CARD14: variants seen among roughly 807,000 people sequenced by gnomAD.
CARD14 encodes caspase recruitment domain family member 14, also known as caspase recruitment domain-containing protein 14.
Under a neutral mutation model 111.5 loss-of-function variants are expected in CARD14, and 107 were observed. That is an observed-to-expected ratio of 0.96 (90% CI 0.82 to 1.13). The LOEUF (loss-of-function observed/expected upper bound fraction) is 1.13. Ranked by LOEUF, CARD14 falls within the 50% of genes most tolerant of loss-of-function variation. The pLI, the probability that CARD14 is intolerant of heterozygous loss-of-function variation, is 0.00. For synonymous variants in CARD14, 617 were observed against 579.6 expected (o/e 1.06, Z -0.93); for missense variants, 1,322 against 1,362.3 (o/e 0.97, Z 0.47).
intron 7 of CARD14, chr17:80,187,767 G>T (rs1027851131): frequency 1.0e-6 from 1 of 985,450 alleles, no homozygotes; most frequent in African/African-American, 1.7e-5. Flanking sequence ...GGGCGGGCCC[G>T]TGGCTCGAGC....
rs2040998917 is a variant in CARD14, at chr17:80,201,922, C to A, written c.1978+52C>A. 6.5e-7 allele frequency: 1 copy of A among 1,550,094 alleles called. No homozygotes were observed. Among genetic ancestry groups the A allele is most frequent in the Middle Eastern group, 2.0e-4 (1 of 5,120 alleles). On this transcript the variant is annotated intron_variant, in intron 17 of 23. Coordinates refer to ENST00000648509, the MANE Select transcript of CARD14 (RefSeq NM_001366385.1). The surrounding 1 kb of genome is among the most constrained non-coding windows in gnomAD (Gnocchi z 5.0). The stretch of plus-strand genomic sequence containing the variant: ...ACAGCTGCCTGGCCAGACTCCATGA[C>A]CCTTAAGTCCCTGGTGGTTCTTCTG...
intron 1 of CARD14, chr17:80,170,604 A>C (rs2039872751): frequency 6.6e-6 from 1 of 152,102 alleles, no homozygotes; most frequent in Non-Finnish European, 1.5e-5. Flanking sequence ...CTTCACTGGC[A>C]AGGGAAGAGA....
At chr17:80,204,492 C>T (rs957979466) in intron 20 of CARD14, 151 bp downstream of exon 20, 11 of 686,046 alleles carry the variant, frequency 1.6e-5, no homozygotes, top group East Asian at 8.8e-5. Context: ...GGTGTGGTGG[C>T]GCACACCTGT....
At position 80,198,398 on chromosome 17, in the gene CARD14, G is replaced by A. The variant is rs766603184; in HGVS notation, c.1659-1G>A. On this transcript the variant is annotated splice_acceptor_variant, in intron 15 of 23. Transcript: ENST00000648509. LOFTEE classifies it high-confidence loss of function. This position sits in a 1 kb window ranked among gnomAD's most constrained non-coding sequence, Gnocchi z 7.5. ...CAAGCCGGTCGTCTCCCGGCCTGCA[G>A]CGGCGTCCTCATGCGGCGGAGGCCA... 6.3e-7 allele frequency: 1 copy of A among 1,597,922 alleles called. No homozygotes were observed. The highest frequency in any genetic ancestry group is 8.5e-7 in the Non-Finnish European group (1 of 1,169,798).
rs552958343 is a variant in CARD14, at chr17:80,172,368, G to A, written c.-689-538G>A. Among the ~76,000 whole-genome samples the A allele has an allele frequency of 3.3e-5, 5 of 152,336 alleles. No individual in the cohort carries two copies. In the South Asian group the frequency reaches 1.0e-3, roughly 32 times the overall value. On this transcript the variant is annotated intron_variant, in intron 1 of 23. Coordinates refer to ENST00000648509, the MANE Select transcript of CARD14 (RefSeq NM_001366385.1). ...AAGATGCTGCACTCTCCTTCACTAA[G>A]TAGAAAGCTGAGAAATCCTGCCCTG...
Position 80,195,768 on chromosome 17 carries a change from A to C in CARD14, c.1594+116A>C. On this transcript the variant is annotated intron_variant, in intron 14 of 23. Transcript: ENST00000648509. The surrounding 1 kb of genome is among the most constrained non-coding windows in gnomAD (Gnocchi z 4.7). ...GAAAGGGCAGATAGAAGCAGAGCTC[A>C]ACTTCTGCCCTGGGCCTTGACCTTG... 62 of 856,172 alleles carry C rather than the reference A, an allele frequency of 7.2e-5. No homozygotes were observed. The highest frequency in any genetic ancestry group is 8.3e-5 in the Non-Finnish European group (46 of 553,212). 53.0% of individuals were successfully genotyped at this position (856,172 alleles called of 1,614,324 possible).
intron 9 of CARD14, among the ~76,000 whole-genome samples, chr17:80,190,225 A>T (rs1289574124): frequency 6.6e-6 from 1 of 152,170 alleles, no homozygotes; most frequent in Non-Finnish European, 1.5e-5. Flanking sequence ...TTAAAAACGC[A>T]AAACACAACT....
At position 80,181,403 on chromosome 17, in the gene CARD14, T is replaced by C. The variant is rs1353409277; in HGVS notation, c.-20-16T>C. ...TGCTTACCTGACAACTCCACCCCCA[T>C]GGCCACCCCTCCTAGGGTCCTCCCA... On this transcript the variant is annotated splice_polypyrimidine_tract_variant and intron_variant, in intron 4 of 23. Coordinates refer to ENST00000648509, the MANE Select transcript of CARD14 (RefSeq NM_001366385.1). 1 of 1,542,778 alleles carries C rather than the reference T, an allele frequency of 6.5e-7. No individual in the cohort carries two copies. The highest frequency in any genetic ancestry group is 8.8e-7 in the Non-Finnish European group (1 of 1,140,210).
chr17:80,175,979 T>G (rs1211516782), intron 2 of CARD14, among the ~76,000 whole-genome samples: 2 of 78,304 alleles, frequency 2.6e-5, no homozygotes, highest in Admixed American at 1.3e-4. Context: ...TTTTTTTTTT[T>G]TTTTTTTTTT....
intron 21 of CARD14, 121 bp from the exon 22 acceptor site, chr17:80,205,410 A>G (rs1345733823): frequency 1.5e-6 from 2 of 1,375,892 alleles, no homozygotes; most frequent in African/African-American, 1.4e-5. Flanking sequence ...TAAAGTGGAC[A>G]TCCTAAGAAG....
chr17:80,178,414 C>G (rs377294716), intron 2 of CARD14, 94 bp from the exon 3 acceptor site: 21 of 152,244 alleles, frequency 1.4e-4, no homozygotes, highest in African/African-American at 5.1e-4. Context: ...TTTTCCCCGC[C>G]GCTTGCGGTG....
chr17:80,202,692 G>A (rs185362091), intron 18 of CARD14: 6 of 1,142,486 alleles, frequency 5.3e-6, no homozygotes, highest in Non-Finnish European at 4.6e-6. Flanking sequence ...GGACGTTTGG[G>A]GCTGGATCCC....
In CARD14 at chr17:80,198,995, C is replaced by A; in HGVS notation, c.1851+404C>A. ...ACAGGGTCTCACTCTGTCACCCAGG[C>A]TAGAGTGCTGCGGTGCGATCACAGC... On this transcript the variant is annotated intron_variant, in intron 16 of 23. Coordinates refer to ENST00000648509, the MANE Select transcript of CARD14 (RefSeq NM_001366385.1). This position sits in a 1 kb window ranked among gnomAD's most constrained non-coding sequence, Gnocchi z 7.5. 1 of 913,058 alleles carries A rather than the reference C, an allele frequency of 1.1e-6. No individual in the cohort carries two copies. Among genetic ancestry groups the A allele is most frequent in the Non-Finnish European group, 1.3e-6 (1 of 745,454 alleles). 56.6% of individuals were successfully genotyped at this position (913,058 alleles called of 1,614,324 possible).
chr17:80,190,688 T>A, intron 9 of CARD14, 86 bp from the exon 10 acceptor site: 171 of 1,357,458 alleles, frequency 1.3e-4, no homozygotes, highest in Middle Eastern at 4.0e-4. Context: ...TCTCCCTCCC[T>A]CCACCCCTGG....
At position 80,190,822 on chromosome 17, in the gene CARD14, A is replaced by G. The variant is rs200132496; in HGVS notation, c.1012A>G (p.Met338Val). ...QTLLQFQKSK[M>V]ACQLYREKVN... The stretch of plus-strand genomic sequence containing the variant: ...CCTGCTGCAGTTCCAGAAGAGTAAG[A>G]TGGCCTGCCAACTCTACAGGGAGAA... Residue 338 changes from methionine (M) to valine (V), a missense_variant, in exon 10 of 24, where the codon ATG becomes GTG. Physicochemically the swap from Met to Val is conservative, Grantham distance 21. Transcript: ENST00000648509. The G allele has an allele frequency of 7.2e-5, 116 of 1,614,130 alleles. 1 individual carries two copies. In the South Asian group the frequency reaches 7.8e-4, roughly 11 times the overall value.
intron 9 of CARD14, among the ~76,000 whole-genome samples, chr17:80,190,480 G>A (rs948333448): frequency 1.3e-5 from 2 of 152,070 alleles, no homozygotes. Context: ...GGGCCTGGTG[G>A]TGTGTGCCTG....
Position 80,188,366 on chromosome 17 carries a change from C to A in CARD14, c.676-11C>A, listed in dbSNP as rs746067298. On this transcript the variant is annotated splice_polypyrimidine_tract_variant and intron_variant, in intron 7 of 23. Transcript: ENST00000648509. The surrounding 1 kb of genome is among the most constrained non-coding windows in gnomAD (Gnocchi z 4.5). Reference sequence around the variant, plus strand: ...TTCCATCGCCCTTCCTGTCGCCTCCCCACCGCACAGCTGTATCTACTGAAG... The same window carrying A: ...TTCCATCGCCCTTCCTGTCGCCTCCACACCGCACAGCTGTATCTACTGAAG... The A allele has an allele frequency of 2.5e-6, 4 of 1,605,646 alleles. No homozygotes were observed. The highest frequency in any genetic ancestry group is 3.4e-6 in the Non-Finnish European group (4 of 1,176,330).
Position 80,201,638 on chromosome 17 carries a change from G to C in CARD14, c.1852-106G>C. 8.3e-7 allele frequency: 1 copy of C among 1,208,182 alleles called. No homozygotes were observed. Among genetic ancestry groups the C allele is most frequent in the Non-Finnish European group, 1.2e-6 (1 of 820,008 alleles). 74.8% of individuals were successfully genotyped at this position (1,208,182 alleles called of 1,614,324 possible). ...CAAGGCGTGCAGGCAGTGGTCCTAC[G>C]GCAGGGCTGGCCCGCGCCTCGCCTC... is the stretch of plus-strand genomic sequence containing the variant. On this transcript the variant is annotated intron_variant, in intron 16 of 23. Coordinates refer to ENST00000648509, the MANE Select transcript of CARD14 (RefSeq NM_001366385.1). This position sits in a 1 kb window ranked among gnomAD's most constrained non-coding sequence, Gnocchi z 5.0.
rs2040415862 is a variant in CARD14, at chr17:80,188,464, AG to A, written c.764del (p.Ser255ThrfsTer10). ...GCAAGAGCAGTCCCTGAGGACAGCC[AG>A]CGACCAGGAGTCCGGGGATGAGGAG... is the stretch of plus-strand genomic sequence containing the variant. ...ELQEQSLRTASDQESGDEELN... is the reference protein window; with the variant it reads ...ELQEQSLRTAXDQESGDEELN... On this transcript the variant is annotated frameshift_variant, in exon 8 of 24. Transcript: ENST00000648509. LOFTEE classifies it high-confidence loss of function. This position sits in a 1 kb window ranked among gnomAD's most constrained non-coding sequence, Gnocchi z 4.5. 1 of 1,600,052 alleles carries A rather than the reference AG, an allele frequency of 6.2e-7. No individual in the cohort carries two copies. Among genetic ancestry groups the A allele is most frequent in the South Asian group, 1.1e-5 (1 of 88,822 alleles).
Sources: allele counts gnomAD v4.1 joint callset (sites outside exome capture counted in the v4.1 genomes callset), GRCh38; gene constraint gnomAD v4.1.1; non-coding constraint Gnocchi (gnomAD v3.1); transcripts MANE v1.5; gene names NCBI Gene and HGNC (gene_info 2026-07-23, HGNC 2026-07-21).